The following ZNF385D variants were observed in gnomAD, a reference collection of about 807,000 sequenced individuals.
The protein encoded by ZNF385D is zinc finger protein 659.
In ZNF385D, 15 loss-of-function variants were observed where a neutral mutation model predicts 35.8. That is an observed-to-expected ratio of 0.42 (90% CI 0.28 to 0.64). The LOEUF (loss-of-function observed/expected upper bound fraction) is 0.64. Among genes scored for constraint, ZNF385D ranks in the 30% least tolerant of loss-of-function variants. ZNF385D has a pLI of 0.23. For missense variants in ZNF385D, 474 were observed against 494.6 expected, an observed-to-expected ratio of 0.96 and a Z score of 0.39; for synonymous variants, 212 against 186.8, an observed-to-expected ratio of 1.13 and a Z score of -1.10.
chr3:22,066,503 A>AGTGT (rs1699966364), intron 3 of ZNF385D, among the ~76,000 whole-genome samples: 3 of 57,530 alleles, frequency 5.2e-5, no homozygotes, highest in South Asian at 5.2e-4. Flanking sequence ...TATGTCTGTA[A>AGTGT]GTAAAAAGAT....
intron 3 of ZNF385D, among the ~76,000 whole-genome samples, chr3:22,102,368 T>A (rs914990489): frequency 3.3e-5 from 5 of 152,064 alleles, no homozygotes; most frequent in African/African-American, 1.2e-4. Flanking sequence ...AAGCAATTAG[T>A]CCAAGATTGC....
intron 4 of ZNF385D, among the ~76,000 whole-genome samples, chr3:21,478,315 C>T (rs1302562190): frequency 3.9e-5 from 6 of 152,036 alleles, no homozygotes; most frequent in Admixed American, 2.0e-4. Flanking sequence ...GTGTTCTTCC[C>T]TACCAGAGGA....
rs1559633514 is a variant in ZNF385D at position 21,799,766 on chromosome 3, A to G, written c.326-134738T>C. Reference sequence around the variant, plus strand: ...CATGCAAATTTGAATTTTGAAGTCCATTTTATATATTTTTTCTTGTTACTT... The same window carrying G: ...CATGCAAATTTGAATTTTGAAGTCCGTTTTATATATTTTTTCTTGTTACTT... On this transcript the variant is annotated intron_variant, in intron 3 of 5. Coordinates refer to the ZNF385D transcript ENST00000494108. Among the ~76,000 whole-genome samples, 5 of 151,324 alleles carry G rather than the reference A, an allele frequency of 3.3e-5. No individual in the cohort carries two copies. In the East Asian group the frequency reaches 9.6e-4, roughly 29 times the overall value.
chr3:21,809,875 A>G (rs1188507084), intron 3 of ZNF385D, among the ~76,000 whole-genome samples: 2 of 152,042 alleles, frequency 1.3e-5, no homozygotes, highest in East Asian at 3.9e-4. Flanking sequence ...AGGTATAACT[A>G]AAAAAGAAAT....
At chr3:21,734,315 CG>C (rs2069146637) in intron 1 of ZNF385D, among the ~76,000 whole-genome samples, 1 of 150,270 alleles carries the variant, frequency 6.7e-6, no homozygotes, top group Non-Finnish European at 1.5e-5. Flanking sequence ...TGGAGAAACA[CG>C]GGAATTCAGA....
At chr3:22,108,443 T>C (rs933970894) in intron 3 of ZNF385D, among the ~76,000 whole-genome samples, 5 of 152,080 alleles carry the variant, frequency 3.3e-5, no homozygotes, top group Non-Finnish European at 7.4e-5. Context: ...AATGCAACTA[T>C]AGCTTCCTGA....
At chr3:21,860,195 C>G (rs1488761831) in intron 3 of ZNF385D, among the ~76,000 whole-genome samples, 2 of 152,020 alleles carry the variant, frequency 1.3e-5, no homozygotes, top group African/African-American at 4.8e-5. Context: ...AGGTTGAGCA[C>G]GTTTGCTGTA....
chr3:22,014,525 T>C (rs1037018158), intron 3 of ZNF385D, among the ~76,000 whole-genome samples: 2 of 152,120 alleles, frequency 1.3e-5, no homozygotes, highest in African/African-American at 4.8e-5. Flanking sequence ...AAATGGGCTA[T>C]GTTAAGAAAG....
At chr3:21,475,809 T>C (rs1315371722) in intron 4 of ZNF385D, among the ~76,000 whole-genome samples, 1 of 152,092 alleles carries the variant, frequency 6.6e-6, no homozygotes, top group Non-Finnish European at 1.5e-5. Flanking sequence ...AAATTTTGAG[T>C]TTAAAGTAGA....
chr3:21,959,001 C>T (rs549115257), intron 3 of ZNF385D: 1 of 152,242 alleles, frequency 6.6e-6, no homozygotes, highest in African/African-American at 2.4e-5. Context: ...ATAACATCTA[C>T]TGGGATTGTA....
intron 3 of ZNF385D, among the ~76,000 whole-genome samples, chr3:22,159,000 C>A (rs894484988): frequency 7.9e-5 from 12 of 151,814 alleles, no homozygotes; most frequent in African/African-American, 1.9e-4. Context: ...GGAGTGATTA[C>A]TTTCCTAAGA....
At chr3:21,764,001 C>T (rs1215397041) in intron 3 of ZNF385D, among the ~76,000 whole-genome samples, 3 of 152,022 alleles carry the variant, frequency 2.0e-5, no homozygotes, top group Non-Finnish European at 4.4e-5. Flanking sequence ...TGAGATACTG[C>T]AATGGAAGGT....
intron 2 of ZNF385D, among the ~76,000 whole-genome samples, chr3:22,189,321 C>G (rs972269858): frequency 6.6e-6 from 1 of 152,132 alleles, no homozygotes; most frequent in Non-Finnish European, 1.5e-5. Flanking sequence ...CATAGGGCAA[C>G]TGAGAAAATG....
intron 2 of ZNF385D, among the ~76,000 whole-genome samples, chr3:22,284,560 A>G (rs1031575307): frequency 2.0e-5 from 3 of 151,906 alleles, no homozygotes; most frequent in African/African-American, 7.3e-5. Flanking sequence ...TGTATGGTGG[A>G]CCACAGAGAA....
chr3:21,614,019 C>T (rs898025840), intron 2 of ZNF385D, among the ~76,000 whole-genome samples: 2 of 152,078 alleles, frequency 1.3e-5, no homozygotes, highest in Admixed American at 1.3e-4. Context: ...ATGTGTGGTC[C>T]CCCAAGGACC....
intron 3 of ZNF385D, among the ~76,000 whole-genome samples, chr3:21,519,711 G>C (rs1041644333): frequency 1.3e-5 from 2 of 152,148 alleles, no homozygotes; most frequent in Non-Finnish European, 2.9e-5. Context: ...TTTAACTCTA[G>C]TGACAGAAGC....
At chr3:22,259,426 C>G (rs1310166703) in intron 2 of ZNF385D, among the ~76,000 whole-genome samples, 1 of 151,688 alleles carries the variant, frequency 6.6e-6, no homozygotes, top group Non-Finnish European at 1.5e-5. Context: ...ATAAGAATAA[C>G]CAGAGTCTGT....
chr3:21,772,248 A>T (rs1237891317), intron 3 of ZNF385D, among the ~76,000 whole-genome samples: 5 of 152,032 alleles, frequency 3.3e-5, no homozygotes, highest in Admixed American at 1.3e-4. Flanking sequence ...AAAATTTTTT[A>T]AAAATGTTCT....
chr3:21,720,540 C>A (rs914972984), intron 1 of ZNF385D, among the ~76,000 whole-genome samples: 16 of 152,270 alleles, frequency 1.1e-4, no homozygotes, highest in Non-Finnish European at 2.1e-4. Context: ...GGCAACAGAA[C>A]AAGACCCTGT....
Sources: allele counts gnomAD v4.1 joint callset (sites outside exome capture counted in the v4.1 genomes callset), GRCh38; gene constraint gnomAD v4.1.1; transcripts MANE v1.5; gene names NCBI Gene and HGNC (gene_info 2026-07-23, HGNC 2026-07-21).